GALNT13: variants seen among roughly 807,000 people sequenced by gnomAD.
The protein encoded by GALNT13 is polypeptide N-acetylgalactosaminyltransferase 13, also known as UDP-GalNAc:polypeptide N-acetylgalactosaminyltransferase 13.
In GALNT13, 28 loss-of-function variants were observed where a neutral mutation model predicts 64.2. The observed-to-expected ratio is 0.44, with a 90% CI of 0.32 to 0.60. The LOEUF (loss-of-function observed/expected upper bound fraction) is 0.60, where lower values mean the gene tolerates loss of function less well. Among genes scored for constraint, GALNT13 ranks in the 20% least tolerant of loss-of-function variants. The probability of loss-of-function intolerance (pLI) is 0.05; values close to 1 mark genes in which losing one functional copy is unlikely to be tolerated. For missense variants in GALNT13, 577 were observed against 669.8 expected (o/e 0.86, Z 1.53); for synonymous variants, 214 against 224.6 (o/e 0.95, Z 0.42).
At chr2:153,615,207 A>T in the GALNT13 span, among the ~76,000 whole-genome samples, 1 of 152,036 alleles carries the variant, frequency 6.6e-6, no homozygotes, top group Non-Finnish European at 1.5e-5. Flanking sequence ...ACTGGATCTT[A>T]TTCTTTTTTA....
the GALNT13 span, among the ~76,000 whole-genome samples, chr2:153,689,558 T>A: frequency 6.6e-6 from 1 of 152,088 alleles, no homozygotes; most frequent in Non-Finnish European, 1.5e-5. Context: ...TATTTCACAT[T>A]TTGTTCTTCA....
the GALNT13 span, among the ~76,000 whole-genome samples, chr2:153,098,766 T>C: frequency 1.3e-5 from 2 of 152,168 alleles, no homozygotes; most frequent in African/African-American, 4.8e-5. Context: ...TGGAATTGAC[T>C]GGAGTGGATT....
chr2:154,328,863 T>A (rs1036742643), intron 9 of GALNT13, among the ~76,000 whole-genome samples: 1 of 152,172 alleles, frequency 6.6e-6, no homozygotes, highest in African/African-American at 2.4e-5. Flanking sequence ...GTATCAATTC[T>A]GTCTGTAAAT....
At chr2:154,443,176 T>C (rs1701390292) in intron 12 of GALNT13, among the ~76,000 whole-genome samples, 1 of 152,228 alleles carries the variant, frequency 6.6e-6, no homozygotes, top group African/African-American at 2.4e-5. Flanking sequence ...TACACAGTTA[T>C]TACCTTTCCA....
the GALNT13 span, among the ~76,000 whole-genome samples, chr2:153,545,388 C>T: frequency 3.9e-5 from 6 of 152,140 alleles, no homozygotes; most frequent in Admixed American, 2.6e-4. Flanking sequence ...ATCTTAGCCA[C>T]GACTCAGTCA....
chr2:153,070,855 T>C, the GALNT13 span, among the ~76,000 whole-genome samples: 1 of 152,194 alleles, frequency 6.6e-6, no homozygotes, highest in Admixed American at 6.5e-5. Context: ...TTCTGAACAA[T>C]TTCCTTTTCT....
chr2:153,930,833 G>A (rs1452542212), intron 2 of GALNT13, among the ~76,000 whole-genome samples: 4 of 151,958 alleles, frequency 2.6e-5, no homozygotes, highest in African/African-American at 7.2e-5. Context: ...ATGAACTTTA[G>A]AATAGTTTTT....
At chr2:153,667,024 C>A in the GALNT13 span, among the ~76,000 whole-genome samples, 1 of 152,066 alleles carries the variant, frequency 6.6e-6, no homozygotes, top group South Asian at 2.1e-4. Flanking sequence ...ATATACCAGG[C>A]AGGAAAGAAT....
At chr2:154,252,538 A>G (rs1690129437) in intron 7 of GALNT13, among the ~76,000 whole-genome samples, 1 of 151,432 alleles carries the variant, frequency 6.6e-6, no homozygotes, top group African/African-American at 2.4e-5. Flanking sequence ...TTGTATTTTT[A>G]ATAGAGACTG....
At chr2:153,987,857 T>C (rs760653153) in intron 3 of GALNT13, among the ~76,000 whole-genome samples, 2 of 151,862 alleles carry the variant, frequency 1.3e-5, no homozygotes, top group African/African-American at 4.8e-5. Flanking sequence ...ATTGCATTAT[T>C]TGCAACAGTA....
At chr2:153,632,734 T>A in the GALNT13 span, among the ~76,000 whole-genome samples, 2 of 152,042 alleles carry the variant, frequency 1.3e-5, no homozygotes, top group Non-Finnish European at 2.9e-5. Context: ...GATAGCTCAT[T>A]TATTTATTTT....
chr2:154,100,521 T>C (rs538813010), intron 3 of GALNT13, among the ~76,000 whole-genome samples: 5 of 152,284 alleles, frequency 3.3e-5, no homozygotes, highest in Admixed American at 1.3e-4. Context: ...GTTATTAGTG[T>C]ACAGAAATGC....
chr2:154,408,196 T>C (rs1379298451), intron 10 of GALNT13, among the ~76,000 whole-genome samples: 3 of 152,138 alleles, frequency 2.0e-5, no homozygotes, highest in African/African-American at 7.2e-5. Flanking sequence ...TCATTTGTTC[T>C]TGATTCAGTG....
the GALNT13 span, among the ~76,000 whole-genome samples, chr2:153,493,698 T>C: frequency 3.9e-5 from 6 of 151,962 alleles, no homozygotes; most frequent in Non-Finnish European, 8.8e-5. Flanking sequence ...AAAATCATTA[T>C]AGATGAATAT....
intron 11 of GALNT13, among the ~76,000 whole-genome samples, chr2:154,438,169 G>T (rs1481156647): frequency 6.6e-6 from 1 of 152,080 alleles, no homozygotes; most frequent in Non-Finnish European, 1.5e-5. Context: ...TCAGAAGAAA[G>T]ATTTAAACTT....
intron 8 of GALNT13, among the ~76,000 whole-genome samples, chr2:154,295,441 G>A (rs1692869227): frequency 6.6e-6 from 1 of 151,662 alleles, no homozygotes; most frequent in African/African-American, 2.4e-5. Context: ...TTGGCTCAAT[G>A]CAACCTCTGC....
At chr2:154,366,968 A>C (rs1394332311) in intron 9 of GALNT13, among the ~76,000 whole-genome samples, 1 of 152,176 alleles carries the variant, frequency 6.6e-6, no homozygotes, top group Non-Finnish European at 1.5e-5. Context: ...AGGAAGAAAT[A>C]CCATGGAATA....
chr2:153,682,707 T>C, the GALNT13 span, among the ~76,000 whole-genome samples: 1 of 151,788 alleles, frequency 6.6e-6, no homozygotes, highest in Non-Finnish European at 1.5e-5. Context: ...AAATATTTAG[T>C]AGATCAAAAT....
chr2:153,394,862 C>T, the GALNT13 span, among the ~76,000 whole-genome samples: 2 of 152,132 alleles, frequency 1.3e-5, no homozygotes, highest in African/African-American at 2.4e-5. Flanking sequence ...GGCACGTTTT[C>T]GTTGTGTAGT....
Sources: gnomAD v4.1 joint callset for allele counts (sites outside exome capture counted in the v4.1 genomes callset) on GRCh38, gnomAD v4.1.1 for gene constraint, MANE v1.5 for transcripts, NCBI Gene and HGNC (gene_info 2026-07-23, HGNC 2026-07-21) for gene names.